The following DNAJB12 variants were observed in gnomAD, a reference collection of about 807,000 sequenced individuals.
DNAJB12 encodes the protein DnaJ heat shock protein family (Hsp40) member B12, also known as dnaJ homolog subfamily B member 12.
DNAJB12 carries 14 observed loss-of-function variants against 40.6 expected under a neutral mutation model. The ratio of observed to expected loss-of-function variants is 0.34; its 90% CI spans 0.23 to 0.54. DNAJB12 has a LOEUF of 0.54. Among genes scored for constraint, DNAJB12 ranks in the 20% least tolerant of loss-of-function variants. DNAJB12 has a pLI of 0.92. For synonymous variants in DNAJB12, 181 were observed against 199.5 expected, an observed-to-expected ratio of 0.91 and a Z score of 0.78; for missense variants, 444 against 501.7, an observed-to-expected ratio of 0.89 and a Z score of 1.10.
chr10:72,348,137 G>A (rs1015343180), intron 1 of DNAJB12, among the ~76,000 whole-genome samples: 1 of 152,094 alleles, frequency 6.6e-6, no homozygotes, highest in African/African-American at 2.4e-5. Flanking sequence ...GCACAGAATC[G>A]CTTGAACCCG....
intron 5 of DNAJB12, among the ~76,000 whole-genome samples, chr10:72,339,718 T>C (rs1390116487): frequency 7.8e-6 from 1 of 127,840 alleles, no homozygotes; most frequent in Admixed American, 7.5e-5. Context: ...ATTTTTATAC[T>C]TTTTTTTTTT....
chr10:72,349,934 G>A (rs1861891872), intron 1 of DNAJB12, among the ~76,000 whole-genome samples: 1 of 152,152 alleles, frequency 6.6e-6, no homozygotes, highest in Admixed American at 6.5e-5. Flanking sequence ...ATGGCACAGA[G>A]GCTGACAGGC....
rs1215020869 is a variant in DNAJB12 at position 72,335,965 on chromosome 10, C to T, written c.1007-34G>A. 1 of 1,611,574 alleles carries T rather than the reference C, an allele frequency of 6.2e-7. No individual in the cohort carries two copies. Among genetic ancestry groups the T allele is most frequent in the South Asian group, 1.1e-5 (1 of 90,850 alleles). ...CAATGGGACAGGGTTAGTGCACACC[C>T]AGTACCTCCCGAAGCCTGCAAGGAA... On this transcript the variant is annotated intron_variant, in intron 7 of 8. Transcript: ENST00000444643. This position sits in a 1 kb window ranked among gnomAD's most constrained non-coding sequence, Gnocchi z 4.4.
chr10:72,351,817 G>A (rs577280485), intron 1 of DNAJB12, among the ~76,000 whole-genome samples: 1 of 152,220 alleles, frequency 6.6e-6, no homozygotes, highest in African/African-American at 2.4e-5. Context: ...AACCTGGAGC[G>A]CTCTCCTGAG....
chr10:72,349,417 T>G (rs1861879514), intron 1 of DNAJB12, among the ~76,000 whole-genome samples: 1 of 152,074 alleles, frequency 6.6e-6, no homozygotes, highest in Admixed American at 6.6e-5. Context: ...GAACCAGTAG[T>G]AACCATGAGA....
Position 72,335,957 on chromosome 10 carries a change from T to C in DNAJB12, c.1007-26A>G, listed in dbSNP as rs3829180. ...CTGCAAAGCAATGGGACAGGGTTAGTGCACACCCAGTACCTCCCGAAGCCT... is the reference window on the plus strand; with the variant it reads ...CTGCAAAGCAATGGGACAGGGTTAGCGCACACCCAGTACCTCCCGAAGCCT... On this transcript the variant is annotated intron_variant, in intron 7 of 8. Coordinates refer to ENST00000444643, the MANE Select transcript of DNAJB12 (RefSeq NM_017626.7). The surrounding 1 kb of genome is among the most constrained non-coding windows in gnomAD (Gnocchi z 4.4). 0.025 allele frequency: 40,252 copies of C among 1,613,454 alleles called. 572 individuals are homozygous for C. The highest frequency in any genetic ancestry group is 0.039 in the South Asian group (3,589 of 91,012).
intron 5 of DNAJB12, among the ~76,000 whole-genome samples, chr10:72,339,416 C>T (rs566196769): frequency 6.6e-6 from 1 of 152,118 alleles, no homozygotes; most frequent in South Asian, 2.1e-4. Context: ...CGCCTGTACT[C>T]CCAGCTACGT....
At chr10:72,347,711 C>T (rs1861828983) in intron 1 of DNAJB12, among the ~76,000 whole-genome samples, 1 of 152,048 alleles carries the variant, frequency 6.6e-6, no homozygotes. Context: ...GTCAGGAGTT[C>T]AAGACCAGCC....
Position 72,345,872 on chromosome 10 carries a change from C to T in DNAJB12, c.134-745G>A, listed in dbSNP as rs1237598361. Among the ~76,000 whole-genome samples the T allele has an allele frequency of 6.2e-5, 8 of 128,960 alleles. No individual in the cohort carries two copies. The South Asian group carries it at 1.2e-3, about 19-fold the overall frequency. The allele number at this position is 128,960 out of a possible 152,430, so 84.6% of individuals were successfully genotyped here. ...TTGTGCCACTGCACTCCAGCCTGGG[C>T]GACAGAGCAAGGATCTGTCTCAAAA... On this transcript the variant is annotated intron_variant, in intron 1 of 8. Coordinates refer to ENST00000444643, the MANE Select transcript of DNAJB12 (RefSeq NM_017626.7).
chr10:72,342,376 G>A (rs1389952099), intron 3 of DNAJB12, among the ~76,000 whole-genome samples: 6 of 152,236 alleles, frequency 3.9e-5, no homozygotes, highest in African/African-American at 4.8e-5. Flanking sequence ...TAAGGAGCGC[G>A]GAATCGTCTC....
chr10:72,354,714 T>G, intron 1 of DNAJB12, 51 bp downstream of exon 1: 1 of 1,395,888 alleles, frequency 7.2e-7, no homozygotes, highest in Non-Finnish European at 1.0e-6. Context: ...CGTTCCCGTG[T>G]TCCCCCCATC....
intron 3 of DNAJB12, among the ~76,000 whole-genome samples, chr10:72,342,249 C>G (rs542598143): frequency 6.6e-6 from 1 of 152,226 alleles, no homozygotes; most frequent in African/African-American, 2.4e-5. Context: ...GACGGCTGTG[C>G]CCTGAAGGAC....
In DNAJB12 at chr10:72,346,961, G is replaced by GT. The variant is rs1300875726; in HGVS notation, c.134-1835dup. Among the ~76,000 whole-genome samples, 1,192 of 142,096 alleles carry GT rather than the reference G, an allele frequency of 8.4e-3. 2 individuals are homozygous for GT. Among genetic ancestry groups the GT allele is most frequent in the African/African-American group, 0.015 (602 of 39,180 alleles). 93.2% of individuals were successfully genotyped at this position (142,096 alleles called of 152,430 possible). A position where few individuals can be genotyped will look rare whatever the true frequency, so the allele number is the denominator to read the frequency against. ...GCACTACTCCCTATTTTTACCATTG[G>GT]TTTTTTTTTTTTTTCTTTTTTGAGA... On this transcript the variant is annotated intron_variant, in intron 1 of 8. Coordinates refer to ENST00000444643, the MANE Select transcript of DNAJB12 (RefSeq NM_017626.7).
chr10:72,341,433 A>T (rs1005325767), intron 3 of DNAJB12, among the ~76,000 whole-genome samples: 2 of 152,172 alleles, frequency 1.3e-5, no homozygotes, highest in African/African-American at 2.4e-5. Flanking sequence ...TCAATGTGCC[A>T]GGCCTCCTAG....
chr10:72,338,446 C>A (rs930315916), intron 5 of DNAJB12, 135 bp from the exon 6 acceptor site: 4 of 624,340 alleles, frequency 6.4e-6, no homozygotes, highest in Middle Eastern at 3.1e-4. Flanking sequence ...CACGAGGCTC[C>A]AAAACACAGA....
intron 1 of DNAJB12, 68 bp downstream of exon 1, chr10:72,354,697 G>A (rs1439577878): frequency 3.1e-6 from 4 of 1,294,008 alleles, no homozygotes; most frequent in African/African-American, 1.5e-5. Context: ...AACTGCTCCC[G>A]TCGGTCCGTT....
chr10:72,352,094 C>A (rs1159686942), intron 1 of DNAJB12, among the ~76,000 whole-genome samples: 5 of 152,206 alleles, frequency 3.3e-5, no homozygotes, highest in African/African-American at 7.2e-5. Flanking sequence ...CTATTGGCTT[C>A]CTGCCCTGAA....
In DNAJB12 at chr10:72,334,514, C is replaced by T; in HGVS notation, c.*134G>A. 6.6e-7 allele frequency: 1 copy of T among 1,506,820 alleles called. No homozygotes were observed. The highest frequency in any genetic ancestry group is 1.4e-5 in the African/African-American group (1 of 72,540). 93.3% of individuals were successfully genotyped at this position (1,506,820 alleles called of 1,614,324 possible). On this transcript the variant is annotated 3_prime_UTR_variant, in exon 9 of 9. Coordinates refer to ENST00000444643, the MANE Select transcript of DNAJB12 (RefSeq NM_017626.7). ...GGGCAGCTGTGCAGCGTTCGGCCTCCAATTCCATTTTAATTTTGTTTCTTT... is the reference window on the plus strand; with the variant it reads ...GGGCAGCTGTGCAGCGTTCGGCCTCTAATTCCATTTTAATTTTGTTTCTTT...
intron 1 of DNAJB12, among the ~76,000 whole-genome samples, chr10:72,354,543 C>G (rs1361795929): frequency 6.6e-6 from 1 of 152,218 alleles, no homozygotes; most frequent in African/African-American, 2.4e-5. Context: ...GCCAGCACCC[C>G]GAAAGCTGAA....
Sources: allele counts gnomAD v4.1 joint callset (sites outside exome capture counted in the v4.1 genomes callset), GRCh38; gene constraint gnomAD v4.1.1; non-coding constraint Gnocchi (gnomAD v3.1); transcripts MANE v1.5; gene names NCBI Gene and HGNC (gene_info 2026-07-23, HGNC 2026-07-21).